Variants in MED24 observed in about 807,000 individuals in gnomAD.
MED24 encodes the protein mediator complex subunit 24, also known as mediator of RNA polymerase II transcription subunit 24.
A neutral mutation model predicts 118.8 loss-of-function variants in MED24; 74 were observed. That is an observed-to-expected ratio of 0.62 (90% CI 0.52 to 0.76). The LOEUF (loss-of-function observed/expected upper bound fraction) is 0.76, where lower values mean the gene tolerates loss of function less well. Ranked by LOEUF, MED24 falls within the 30% of genes least tolerant of loss-of-function variation. The probability of loss-of-function intolerance (pLI) is 0.00; values close to 1 mark genes in which losing one functional copy is unlikely to be tolerated. For synonymous variants in MED24, 521 were observed against 523.9 expected, an observed-to-expected ratio of 0.99 and a Z score of 0.08; for missense variants, 1,041 against 1,278.9, an observed-to-expected ratio of 0.81 and a Z score of 2.84.
rs540873872 is a variant in MED24, at chr17:40,028,703, C to G, written c.1409+123G>C. 3.6e-6 allele frequency: 5 copies of G among 1,372,232 alleles called. No individual in the cohort carries two copies. In the African/African-American group the frequency reaches 7.3e-5, roughly 20 times the overall value. 85.0% of individuals were successfully genotyped at this position (1,372,232 alleles called of 1,614,324 possible). A position where few individuals can be genotyped will look rare whatever the true frequency, so the allele number is the denominator to read the frequency against. On this transcript the variant is annotated intron_variant, in intron 14 of 25. Coordinates refer to ENST00000394128, the MANE Select transcript of MED24 (RefSeq NM_014815.4). The stretch of plus-strand genomic sequence containing the variant: ...CTCCAAGATCTCCAGCCAGGATGCT[C>G]TGCCTAGGCCCGTGGGTCTCTGGAT...
At chr17:40,051,398 G>A (rs901518269) in intron 3 of MED24, among the ~76,000 whole-genome samples, 21 of 148,358 alleles carry the variant, frequency 1.4e-4, no homozygotes, top group Non-Finnish European at 7.4e-5. Flanking sequence ...GAAGGATCAC[G>A]AGGTCAAGAG....
Position 40,024,256 on chromosome 17 carries a change from C to T in MED24, c.1986-861G>A, listed in dbSNP as rs187432714. Among the ~76,000 whole-genome samples, 140 of 152,276 alleles carry T rather than the reference C, an allele frequency of 9.2e-4. 1 individual carries two copies. The highest frequency in any genetic ancestry group is 3.1e-3 in the African/African-American group (130 of 41,558). ...CTCCCTATTAAGACATCCTCAGGCC[C>T]GGTGCGGTGGCTCATGCCTATAATC... On this transcript the variant is annotated intron_variant, in intron 19 of 25. Coordinates refer to ENST00000394128, the MANE Select transcript of MED24 (RefSeq NM_014815.4).
intron 3 of MED24, among the ~76,000 whole-genome samples, chr17:40,039,306 T>C (rs1984288318): frequency 6.6e-6 from 1 of 152,200 alleles, no homozygotes. Context: ...GTCTTAATCA[T>C]TCTATCACAG....
At position 40,026,252 on chromosome 17, in the gene MED24, A is replaced by G; in HGVS notation, c.1889T>C (p.Met630Thr). 6.2e-7 allele frequency: 1 copy of G among 1,614,200 alleles called. No individual in the cohort carries two copies. Among genetic ancestry groups the G allele is most frequent in the Non-Finnish European group, 8.5e-7 (1 of 1,180,054 alleles). Residue 630 changes from methionine to threonine, a missense_variant, in exon 19 of 26, where the codon ATG (methionine) becomes ACG (threonine). Met to Thr is a moderately conservative substitution (Grantham distance 81). Around this residue, in one of 3 missense-constraint regions of MED24, gnomAD observed 587 missense variants for 694.4 expected, o/e 0.85. Transcript: ENST00000394128. Reference sequence around the variant, plus strand: ...CTTCTCACGCTCATCCAGCCCCAGCATCCGGACGTGGGCCACAAGCCAAGC... The same window carrying G: ...CTTCTCACGCTCATCCAGCCCCAGCGTCCGGACGTGGGCCACAAGCCAAGC... ...AVAWLVAHVR[M>T]LGLDEREKSL...
intron 3 of MED24, among the ~76,000 whole-genome samples, chr17:40,044,321 A>T (rs985536953): frequency 3.3e-5 from 5 of 151,872 alleles, no homozygotes; most frequent in Admixed American, 2.6e-4. Flanking sequence ...GGAGCTTGAG[A>T]ACAGCCTCGC....
intron 15 of MED24, 122 bp downstream of exon 15, chr17:40,027,787 G>A: frequency 1.8e-6 from 2 of 1,097,124 alleles, no homozygotes; most frequent in Non-Finnish European, 2.7e-6. Context: ...CATTGGTCAT[G>A]GCTCTGAGGA....
Position 40,019,553 on chromosome 17 carries a change from A to G in MED24, c.2946T>C (p.Ala982=), listed in dbSNP as rs921210295. 14 of 1,612,450 alleles carry G rather than the reference A, an allele frequency of 8.7e-6. No homozygotes were observed. The East Asian group carries it at 2.9e-4, about 33-fold the overall frequency. Residue 982 remains alanine (A), a synonymous_variant, in exon 26 of 26, where the codon GCT becomes GCC. Transcript: ENST00000394128. The part of the protein sequence containing the change: ...DLSLPLGRQV[A]AKAIAAL The stretch of plus-strand genomic sequence containing the variant: ...CTCAGAGTGCAGCAATGGCTTTAGC[A>G]GCCACCTGGCGGCCCAGGGGCAGGC...
chr17:40,027,533 G>A (rs1982830207), intron 15 of MED24, 68 bp from the exon 16 acceptor site: 1 of 1,481,714 alleles, frequency 6.7e-7, no homozygotes, highest in South Asian at 1.2e-5. Flanking sequence ...GGGTTGACAG[G>A]GATCGGGATT....
chr17:40,031,462 C>T, intron 11 of MED24, 76 bp downstream of exon 11: 4 of 1,437,588 alleles, frequency 2.8e-6, no homozygotes, highest in Non-Finnish European at 3.9e-6. Flanking sequence ...TCCCCTGAGG[C>T]TTCTCTGGCA....
chr17:40,035,712 C>A lies in MED24; in HGVS notation c.326+10G>T, dbSNP rs765054214. 1.6e-5 allele frequency: 26 copies of A among 1,613,042 alleles called. No individual in the cohort carries two copies. In the East Asian group the frequency reaches 4.5e-4, roughly 28 times the overall value. On this transcript the variant is annotated intron_variant, in intron 5 of 25. Transcript: ENST00000394128. ...CATTGTATTGTGAGCCCCCTTACCC[C>A]TGCCCTTACCTCAGACGGTCACAAA...
intron 3 of MED24, among the ~76,000 whole-genome samples, chr17:40,040,065 G>A (rs563848657): frequency 7.3e-5 from 11 of 150,504 alleles, no homozygotes; most frequent in African/African-American, 2.7e-4. Flanking sequence ...TTACAGGTGT[G>A]AGCCACCATG....
At chr17:40,032,114 A>T in intron 9 of MED24, 24 bp from the exon 10 acceptor site, 2 of 1,611,820 alleles carry the variant, frequency 1.2e-6, no homozygotes, top group Non-Finnish European at 1.7e-6. Flanking sequence ...CAGGGGGAAA[A>T]ACAGGAAGAT....
chr17:40,028,084 G>GA, intron 14 of MED24, 138 bp from the exon 15 acceptor site: 5 of 875,952 alleles, frequency 5.7e-6, no homozygotes, highest in Non-Finnish European at 9.0e-6. Context: ...CATTGCTATA[G>GA]AAAAAAGGTT....
chr17:40,039,727 T>TC (rs1555667415), intron 3 of MED24, among the ~76,000 whole-genome samples: 1 of 150,744 alleles, frequency 6.6e-6, no homozygotes, highest in Non-Finnish European at 1.5e-5. Flanking sequence ...CAAGCAATCC[T>TC]CCCACCTCAG....
intron 15 of MED24, 99 bp from the exon 16 acceptor site, chr17:40,027,564 A>T: frequency 8.9e-7 from 1 of 1,128,506 alleles, no homozygotes; most frequent in Non-Finnish European, 1.3e-6. Context: ...AAGGTCAGGG[A>T]CCAAGTGGCT....
chr17:40,035,772 C>G lies in MED24; in HGVS notation c.276G>C (p.Leu92=), dbSNP rs1983868380. 2.5e-6 allele frequency: 4 copies of G among 1,614,086 alleles called. No homozygotes were observed. The highest frequency in any genetic ancestry group is 3.4e-6 in the Non-Finnish European group (4 of 1,180,002). The change falls in exon 5 of 26, where the codon CTG becomes CTC. Residue 92 remains leucine (L), a synonymous_variant. Coordinates refer to ENST00000394128, the MANE Select transcript of MED24 (RefSeq NM_014815.4). ...TGATGTCCAGCAATGCCTGGACACA[C>G]AGGTCCCGAGAAAAGTCATCAAACT... is the stretch of plus-strand genomic sequence containing the variant. ...ISKFDDFSRD[L]CVQALLDIMD...
chr17:40,027,930 T>C lies in MED24; in HGVS notation c.1426A>G (p.Thr476Ala). 6.2e-7 allele frequency: 1 copy of C among 1,613,678 alleles called. No homozygotes were observed. The highest frequency in any genetic ancestry group is 8.5e-7 in the Non-Finnish European group (1 of 1,179,950). Residue 476 changes from threonine (T) to alanine (A), a missense_variant, in exon 15 of 26, where the codon ACC becomes GCC. Transcript: ENST00000394128. Reference sequence around the variant, plus strand: ...TTACTGCTTTCTTCGCTGCCATAGGTTGTGAATTCATTCAAACTGAAAGGA... The same window carrying C: ...TTACTGCTTTCTTCGCTGCCATAGGCTGTGAATTCATTCAAACTGAAAGGA... Reference protein sequence around the residue: ...RKFINLNEFTTYGSEESTKPA... With the variant: ...RKFINLNEFTAYGSEESTKPA...
At chr17:40,043,000 A>G (rs557738436) in intron 3 of MED24, among the ~76,000 whole-genome samples, 89 of 152,358 alleles carry the variant, frequency 5.8e-4, no homozygotes, top group African/African-American at 1.7e-3. Flanking sequence ...CACACAGGCT[A>G]AAGTGCAGTG....
chr17:40,036,261 T>C, intron 3 of MED24, 107 bp from the exon 4 acceptor site: 2 of 1,108,508 alleles, frequency 1.8e-6, no homozygotes, highest in Non-Finnish European at 2.7e-6. Context: ...CCTCAACCCC[T>C]TCCACAGGCC....
Sources: allele counts gnomAD v4.1 joint callset (sites outside exome capture counted in the v4.1 genomes callset), GRCh38; gene constraint gnomAD v4.1.1; regional missense constraint gnomAD v4.1.1; transcripts MANE v1.5; gene names NCBI Gene and HGNC (gene_info 2026-07-23, HGNC 2026-07-21).